Variants in PHTF2 observed in about 807,000 individuals in gnomAD.
The protein encoded by PHTF2 is putative homeodomain transcription factor 2, also known as protein PHTF2.
PHTF2 carries 60 observed loss-of-function variants against 101.2 expected under a neutral mutation model. That is an observed-to-expected ratio of 0.59 (90% confidence interval 0.48 to 0.73). The LOEUF is 0.73. Ranked by LOEUF, PHTF2 falls within the 30% of genes least tolerant of loss-of-function variation. The pLI is 0.00. For synonymous variants in PHTF2, 311 were observed against 307.3 expected, an observed-to-expected ratio of 1.01 and a Z score of -0.13; for missense variants, 747 against 908.7, an observed-to-expected ratio of 0.82 and a Z score of 2.29.
chr7:77,876,381 ACTGAGTAAATTCAAT>A lies in PHTF2; in HGVS notation c.148-17226_148-17212del, dbSNP rs1798945850. ...GGTCGATTTTGGTCAGTGTTATTTA[ACTGAGTAAATTCAAT>A]TTTTATAAATGCGTCTGTGGCCAAA... On this transcript the variant is annotated intron_variant, in intron 3 of 19. Transcript: ENST00000416283. Among the ~76,000 whole-genome samples, 2 of 152,182 alleles carry A rather than the reference ACTGAGTAAATTCAAT, an allele frequency of 1.3e-5. 1 individual carries two copies. The highest frequency in any genetic ancestry group is 3.8e-4 in the East Asian group (2 of 5,206).
At chr7:77,855,001 C>T (rs986452199) in intron 3 of PHTF2, among the ~76,000 whole-genome samples, 1 of 152,238 alleles carries the variant, frequency 6.6e-6, no homozygotes, top group South Asian at 2.1e-4. Flanking sequence ...AGCTGCAAGA[C>T]GAAGTCCCCC....
At position 77,944,838 on chromosome 7, in the gene PHTF2, TG is replaced by T. The variant is rs565355738; in HGVS notation, c.1959+2053del. 1.6e-3 allele frequency among the ~76,000 whole-genome samples: 250 copies of T among 152,368 alleles called. 3 individuals carry two copies. Among genetic ancestry groups the T allele is most frequent in the East Asian group, 2.7e-3 (14 of 5,192 alleles). ...AATGAAAAATACAGTTATTGACTTT[TG>T]ACTTGTTTTTTGCTTTTCACTGCTG... On this transcript the variant is annotated intron_variant, in intron 16 of 19. Coordinates refer to ENST00000416283, the Ensembl canonical transcript of PHTF2.
intron 3 of PHTF2, among the ~76,000 whole-genome samples, chr7:77,876,626 C>G (rs1798962917): frequency 6.6e-6 from 1 of 152,094 alleles, no homozygotes; most frequent in African/African-American, 2.4e-5. Context: ...GGCTTGGTGG[C>G]TTACATCTGT....
chr7:77,862,633 A>G (rs1056023308), intron 3 of PHTF2, among the ~76,000 whole-genome samples: 1 of 152,190 alleles, frequency 6.6e-6, no homozygotes, highest in Non-Finnish European at 1.5e-5. Flanking sequence ...CCTGTGGGGT[A>G]TTGGAAAGAA....
intron 3 of PHTF2, among the ~76,000 whole-genome samples, chr7:77,857,181 T>G (rs1343864531): frequency 6.6e-6 from 1 of 152,128 alleles, no homozygotes; most frequent in Non-Finnish European, 1.5e-5. Flanking sequence ...AAATTAGAGC[T>G]GATAGGAAAG....
At chr7:77,923,393 C>A in intron 11 of PHTF2, 1 of 978,188 alleles carries the variant, frequency 1.0e-6, no homozygotes, top group Non-Finnish European at 1.2e-6. Flanking sequence ...ATAAACATTA[C>A]CTTCTACTCT....
intron 16 of PHTF2, 116 bp downstream of exon 15, chr7:77,942,902 T>A (rs1805745223): frequency 1.8e-6 from 1 of 554,806 alleles, no homozygotes. Context: ...GTTTTGAAGT[T>A]ACCTTTTTGC....
At chr7:77,952,063 T>C (rs1788047003) in intron 18 of PHTF2, among the ~76,000 whole-genome samples, 1 of 152,094 alleles carries the variant, frequency 6.6e-6, no homozygotes, top group Non-Finnish European at 1.5e-5. Context: ...CAGAGAAGTC[T>C]TCTGGTTGGC....
chr7:77,869,226 C>T (rs1316055001), intron 3 of PHTF2, among the ~76,000 whole-genome samples: 2 of 152,060 alleles, frequency 1.3e-5, no homozygotes, highest in Non-Finnish European at 2.9e-5. Context: ...ATGATTAGAT[C>T]AGGGTAATTA....
intron 2 of PHTF2, among the ~76,000 whole-genome samples, chr7:77,849,677 T>A (rs34042266): frequency 0.16 from 24,996 of 152,252 alleles, 2,385 homozygotes; most frequent in African/African-American, 0.25. Flanking sequence ...ACAATATTAA[T>A]TCTTTGCATC....
At chr7:77,940,117 C>G in exon 14 of PHTF2, 2 of 1,613,854 alleles carry the variant, frequency 1.2e-6, no homozygotes, top group Non-Finnish European at 8.5e-7. Flanking sequence ...TGTTTTCCGA[C>G]TTTCTCAAGC....
chr7:77,915,821 A>C (rs1016574996), intron 9 of PHTF2, among the ~76,000 whole-genome samples: 2 of 152,048 alleles, frequency 1.3e-5, no homozygotes, highest in Admixed American at 6.5e-5. Context: ...GTGTATAGAG[A>C]TATATGTCTC....
chr7:77,918,099 G>T (rs943289786), intron 9 of PHTF2, among the ~76,000 whole-genome samples: 2 of 152,122 alleles, frequency 1.3e-5, no homozygotes, highest in African/African-American at 4.8e-5. Context: ...CTGCTTTCAC[G>T]TAGTATTTAC....
chr7:77,933,711 GTTT>G (rs372397795), intron 12 of PHTF2, among the ~76,000 whole-genome samples: 5 of 108,310 alleles, frequency 4.6e-5, no homozygotes, highest in Admixed American at 9.5e-5. Flanking sequence ...GGGACCATGT[GTTT>G]TTTTTTTTTT....
chr7:77,875,272 T>A (rs1798830911), intron 3 of PHTF2, among the ~76,000 whole-genome samples: 1 of 152,254 alleles, frequency 6.6e-6, no homozygotes, highest in South Asian at 2.1e-4. Flanking sequence ...TTTTGTAGTT[T>A]TCTTACATAG....
chr7:77,808,589 A>G (rs192300246), intron 1 of PHTF2, among the ~76,000 whole-genome samples: 72 of 152,286 alleles, frequency 4.7e-4, no homozygotes, highest in Non-Finnish European at 6.9e-4. Context: ...CCTACATTGC[A>G]TATGCCAATC....
At position 77,940,468 on chromosome 7, in the gene PHTF2, T is replaced by TG. The variant is rs529220147; in HGVS notation, c.1741-60_1741-59insG. On this transcript the variant is annotated intron_variant, in intron 14 of 19. Transcript: ENST00000416283. ...AAAATCTTAACAATTCATATTTTGT[T>TG]AATTTTGTTTTTCTGTGGTAATCTA... 641 of 1,424,526 alleles carry TG rather than the reference T, an allele frequency of 4.5e-4. 2 individuals are homozygous for TG. The African/African-American group carries it at 8.1e-3, about 18-fold the overall frequency. The allele number at this position is 1,424,526 out of a possible 1,614,324, so 88.2% of individuals were successfully genotyped here.
intron 15 of PHTF2, among the ~76,000 whole-genome samples, chr7:77,941,775 A>C (rs1199658337): frequency 1.3e-5 from 2 of 152,178 alleles, no homozygotes; most frequent in Non-Finnish European, 2.9e-5. Flanking sequence ...CTTACCTGGC[A>C]TTCCAGCATT....
chr7:77,900,151 G>A lies in PHTF2; in HGVS notation c.217-560G>A, dbSNP rs548744939. Among the ~76,000 whole-genome samples, 8 of 152,194 alleles carry A rather than the reference G, an allele frequency of 5.3e-5. No homozygotes were observed. In the South Asian group the frequency reaches 6.2e-4, roughly 12 times the overall value. ...TGTCTAAGTTTTGAGGTGATGAGGTGGCATTTATGGTCTGATGAGGGGTTG... is the reference window on the plus strand; with the variant it reads ...TGTCTAAGTTTTGAGGTGATGAGGTAGCATTTATGGTCTGATGAGGGGTTG... On this transcript the variant is annotated intron_variant, in intron 5 of 19. Transcript: ENST00000416283.
Sources: allele counts gnomAD v4.1 joint callset (sites outside exome capture counted in the v4.1 genomes callset), GRCh38; gene constraint gnomAD v4.1.1; transcripts MANE v1.5; gene names NCBI Gene and HGNC (gene_info 2026-07-23, HGNC 2026-07-21).